PGLYRP4: variants seen among roughly 807,000 people sequenced by gnomAD.
PGLYRP4 encodes peptidoglycan recognition protein 4.
A neutral mutation model predicts 41.2 loss-of-function variants in PGLYRP4; 39 were observed. The ratio of observed to expected loss-of-function variants is 0.95; its 90% CI spans 0.73 to 1.24. PGLYRP4 has a LOEUF of 1.24. Ranked by LOEUF, PGLYRP4 falls within the 50% of genes most tolerant of loss-of-function variation. The pLI is 0.00. For missense variants in PGLYRP4, 467 were observed against 460.7 expected (o/e 1.01, Z -0.13); for synonymous variants, 202 against 186.8 (o/e 1.08, Z -0.66).
rs1328909929 is a variant in PGLYRP4 at position 153,341,705 on chromosome 1, A to G, written c.547T>C (p.Ser183Pro). 1.9e-6 allele frequency: 3 copies of G among 1,613,888 alleles called. No homozygotes were observed. Among genetic ancestry groups the G allele is most frequent in the Non-Finnish European group, 1.7e-6 (2 of 1,179,982 alleles). The change falls in exon 6 of 9, where the codon TCA (serine) becomes CCA (proline). Residue 183 changes from serine to proline, a missense_variant. Physicochemically the swap from Ser to Pro is moderately conservative, Grantham distance 74 (BLOSUM62 -1). Transcript: ENST00000359650. ...AGAAGTGGCTGAACATAACTGGATG[A>G]CAGGTGGCCCTTCTGGACAGCATAG... Reference protein sequence around the residue: ...ITYAVQKGHLSSSYVQPLLGK... With the variant: ...ITYAVQKGHLPSSYVQPLLGK...
chr1:153,334,232 A>G (rs1660447144), intron 8 of PGLYRP4, among the ~76,000 whole-genome samples: 1 of 147,456 alleles, frequency 6.8e-6, no homozygotes, highest in African/African-American at 2.5e-5. Context: ...TACAAAAATC[A>G]GTAGCATTTC....
Position 153,340,399 on chromosome 1 carries a change from G to A in PGLYRP4, c.806C>T (p.Ser269Leu), listed in dbSNP as rs1459881382. Residue 269 changes from serine (S) to leucine (L), a missense_variant, in exon 7 of 9, where the codon TCA (serine) becomes TTA (leucine). Ser to Leu is a moderately radical substitution (Grantham distance 145). Transcript: ENST00000359650. ...IQSFYIDRLK[S>L]CDIGYNFLVG... Reference sequence around the variant, plus strand: ...CACTCACTTATAACCAATGTCGCATGACTTGAGCCTGTCTATGTAGAAAGA... The same window carrying A: ...CACTCACTTATAACCAATGTCGCATAACTTGAGCCTGTCTATGTAGAAAGA... 1 of 1,614,090 alleles carries A rather than the reference G, an allele frequency of 6.2e-7. No homozygotes were observed.
chr1:153,344,926 A>C, intron 4 of PGLYRP4: 2 of 481,848 alleles, frequency 4.2e-6, no homozygotes, highest in Non-Finnish European at 7.6e-6. Flanking sequence ...GGGTTGGGGG[A>C]GGGTAGAGAA....
intron 7 of PGLYRP4, 69 bp downstream of exon 7, chr1:153,340,312 C>T: frequency 7.2e-7 from 1 of 1,389,334 alleles, no homozygotes; most frequent in Non-Finnish European, 1.0e-6. Flanking sequence ...GTTCCCTTTC[C>T]CCTTCCTTTC....
intron 8 of PGLYRP4, among the ~76,000 whole-genome samples, chr1:153,334,734 C>T (rs1660477945): frequency 6.6e-6 from 1 of 151,916 alleles, no homozygotes; most frequent in South Asian, 2.1e-4. Flanking sequence ...AAGAAAGAAC[C>T]CAAATAGCCA....
In PGLYRP4 at chr1:153,346,124, G is replaced by A; in HGVS notation, c.117C>T (p.Asn39=). The change falls in exon 3 of 9, where the codon AAC becomes AAT. Residue 39 remains asparagine (N), a synonymous_variant. Transcript: ENST00000359650. The part of the protein sequence containing the change: ...VSEGLQYLFE[N]ISQLTEKGLP... ...TACCTTTTTCAGTGAGCTGGGAGATGTTCTCAAATAGGTACTGGAGCCCCT... is the reference window on the plus strand; with the variant it reads ...TACCTTTTTCAGTGAGCTGGGAGATATTCTCAAATAGGTACTGGAGCCCCT... 4.3e-6 allele frequency: 7 copies of A among 1,613,476 alleles called. No homozygotes were observed. The highest frequency in any genetic ancestry group is 2.2e-5 in the East Asian group (1 of 44,886).
At chr1:153,341,287 C>T (rs1308824102) in intron 6 of PGLYRP4, among the ~76,000 whole-genome samples, 1 of 152,216 alleles carries the variant, frequency 6.6e-6, no homozygotes, top group African/African-American at 2.4e-5. Flanking sequence ...ACTGAAACTT[C>T]ATGAGGCCAG....
intron 8 of PGLYRP4, among the ~76,000 whole-genome samples, chr1:153,333,277 G>A (rs1660412408): frequency 6.6e-6 from 1 of 152,072 alleles, no homozygotes; most frequent in Non-Finnish European, 1.5e-5. Flanking sequence ...GATTGTCAGA[G>A]ATTACTATGA....
At chr1:153,344,836 C>T (rs983019361) in intron 4 of PGLYRP4, among the ~76,000 whole-genome samples, 1 of 152,180 alleles carries the variant, frequency 6.6e-6, no homozygotes, top group African/African-American at 2.4e-5. Flanking sequence ...GAGATGGTGA[C>T]ACCTGCCTAC....
intron 8 of PGLYRP4, among the ~76,000 whole-genome samples, chr1:153,335,771 T>C (rs1660533137): frequency 6.7e-6 from 1 of 149,436 alleles, no homozygotes. Context: ...ATAACAGATG[T>C]TGCTGAGGAT....
chr1:153,345,428 G>A, intron 3 of PGLYRP4, 46 bp from the exon 4 acceptor site: 1 of 1,540,972 alleles, frequency 6.5e-7, no homozygotes, highest in Non-Finnish European at 9.0e-7. Context: ...TACCGCATTA[G>A]CCCGCCAAGC....
At chr1:153,334,175 C>T (rs1660444042) in intron 8 of PGLYRP4, among the ~76,000 whole-genome samples, 1 of 151,872 alleles carries the variant, frequency 6.6e-6, no homozygotes, top group South Asian at 2.1e-4. Flanking sequence ...CAAAAGACTC[C>T]TATATTTAAT....
At chr1:153,345,107 G>T in intron 4 of PGLYRP4, 62 bp downstream of exon 4, 1 of 1,271,006 alleles carries the variant, frequency 7.9e-7, no homozygotes, top group Non-Finnish European at 1.1e-6. Flanking sequence ...AGAAGGGACA[G>T]GAGAAGCATC....
chr1:153,335,889 A>G (rs1400118489), intron 8 of PGLYRP4, among the ~76,000 whole-genome samples: 2 of 152,202 alleles, frequency 1.3e-5, no homozygotes, highest in Admixed American at 6.5e-5. Context: ...TGATTCAGCA[A>G]TCCAAATAGT....
At position 153,345,422 on chromosome 1, in the gene PGLYRP4, G is replaced by A. The variant is rs147898689; in HGVS notation, c.140-40C>T. 5.6e-4 allele frequency: 864 copies of A among 1,546,754 alleles called. 5 individuals carry two copies. The African/African-American group carries it at 9.3e-3, about 17-fold the overall frequency. ...TCAGCGCACCTGCCCCATCACTACC[G>A]CATTAGCCCGCCAAGCTGAACATGC... On this transcript the variant is annotated intron_variant, in intron 3 of 8. Coordinates refer to ENST00000359650, the MANE Select transcript of PGLYRP4 (RefSeq NM_020393.4).
intron 8 of PGLYRP4, among the ~76,000 whole-genome samples, chr1:153,334,399 T>A (rs1311056671): frequency 6.7e-6 from 1 of 149,054 alleles, no homozygotes; most frequent in Non-Finnish European, 1.5e-5. Flanking sequence ...TGTATATATA[T>A]GTATTCCTGA....
At chr1:153,333,504 G>A (rs1295426277) in intron 8 of PGLYRP4, among the ~76,000 whole-genome samples, 2 of 152,090 alleles carry the variant, frequency 1.3e-5, no homozygotes, top group Non-Finnish European at 2.9e-5. Flanking sequence ...GTAAAAGGAA[G>A]AATACCAACC....
At chr1:153,340,608 T>C (rs1451667933) in intron 6 of PGLYRP4, 29 bp from the exon 7 acceptor site, 1 of 1,605,990 alleles carries the variant, frequency 6.2e-7, no homozygotes, top group Admixed American at 1.7e-5. Context: ...CCACAGAGGG[T>C]TCATCTTCCC....
rs559152285 is a variant in PGLYRP4 at position 153,340,682 on chromosome 1, A to T, written c.626-103T>A. The stretch of plus-strand genomic sequence containing the variant: ...ATGCTCAGGACCCTCAACTTCCCAA[A>T]CCCCTCTGGGTCTCCCACCCTGCCC... On this transcript the variant is annotated intron_variant, in intron 6 of 8. Coordinates refer to ENST00000359650, the MANE Select transcript of PGLYRP4 (RefSeq NM_020393.4). 68 of 1,186,786 alleles carry T rather than the reference A, an allele frequency of 5.7e-5. 3 individuals carry two copies. The South Asian group carries it at 9.3e-4, about 16-fold the overall frequency. The allele number at this position is 1,186,786 out of a possible 1,614,324, so 73.5% of individuals were successfully genotyped here. A position where few individuals can be genotyped will look rare whatever the true frequency, so the allele number is the denominator to read the frequency against.
Sources: allele counts gnomAD v4.1 joint callset (sites outside exome capture counted in the v4.1 genomes callset), GRCh38; gene constraint gnomAD v4.1.1; transcripts MANE v1.5; gene names NCBI Gene and HGNC (gene_info 2026-07-23, HGNC 2026-07-21).